Variants in DOK6 observed in about 807,000 individuals in gnomAD.
DOK6 encodes the protein docking protein 6, also known as downstream of tyrosine kinase 6.
Under a neutral mutation model 44.0 loss-of-function variants are expected in DOK6, and 22 were observed. That is an observed-to-expected ratio of 0.50 (90% confidence interval 0.36 to 0.71). The LOEUF is 0.71. DOK6 is among the 30% of genes least tolerant of loss of function. The probability of loss-of-function intolerance (pLI) is 0.00; values close to 1 mark genes in which losing one functional copy is unlikely to be tolerated. For synonymous variants in DOK6, 166 were observed against 145.5 expected, an observed-to-expected ratio of 1.14 and a Z score of -1.01; for missense variants, 340 against 416.4, an observed-to-expected ratio of 0.82 and a Z score of 1.60.
chr18:69,522,382 A>AT (rs1568284542), intron 1 of DOK6, among the ~76,000 whole-genome samples: 1 of 151,886 alleles, frequency 6.6e-6, no homozygotes, highest in Non-Finnish European at 1.5e-5. Flanking sequence ...AATAGAATCC[A>AT]TTTTTTTCTG....
chr18:69,788,301 T>C (rs1980493446), intron 7 of DOK6, among the ~76,000 whole-genome samples: 3 of 152,246 alleles, frequency 2.0e-5, no homozygotes, highest in African/African-American at 7.2e-5. Flanking sequence ...TTAATGTCTT[T>C]AGGAATCTAG....
At chr18:69,812,588 G>A (rs1354758420) in intron 7 of DOK6, among the ~76,000 whole-genome samples, 5 of 152,218 alleles carry the variant, frequency 3.3e-5, no homozygotes, top group African/African-American at 7.2e-5. Flanking sequence ...GAAGGACAAC[G>A]CTACCTGGTT....
At chr18:69,799,322 A>G (rs1980837244) in intron 7 of DOK6, among the ~76,000 whole-genome samples, 1 of 152,076 alleles carries the variant, frequency 6.6e-6, no homozygotes, top group Non-Finnish European at 1.5e-5. Flanking sequence ...CTAGCTAAAA[A>G]AGATTAAATA....
chr18:69,813,107 T>C (rs1041815659), intron 7 of DOK6, among the ~76,000 whole-genome samples: 2 of 152,166 alleles, frequency 1.3e-5, no homozygotes, highest in Non-Finnish European at 1.5e-5. Context: ...GTCAAGACTC[T>C]ACTTCATGCC....
chr18:69,433,010 T>C, intron 1 of DOK6, among the ~76,000 whole-genome samples: 1 of 152,182 alleles, frequency 6.6e-6, no homozygotes, highest in East Asian at 1.9e-4. Context: ...GTGATTTATT[T>C]GTTTTGATGG....
rs539885955 is a variant in DOK6, at chr18:69,782,373, G to A, written c.856+24500G>A. Among the ~76,000 whole-genome samples the A allele has an allele frequency of 8.6e-5, 13 of 151,826 alleles. No individual in the cohort carries two copies. In the South Asian group the frequency reaches 2.3e-3, roughly 27 times the overall value. ...ACTACAGGCACCTGCCACCATGCCC[G>A]GCTAATTTTTTATATTTTTAGTAGA... On this transcript the variant is annotated intron_variant, in intron 7 of 7. Transcript: ENST00000382713.
At chr18:69,531,542 G>A (rs778746079) in intron 1 of DOK6, among the ~76,000 whole-genome samples, 3 of 151,548 alleles carry the variant, frequency 2.0e-5, no homozygotes, top group Admixed American at 6.6e-5. Context: ...AATGAAGGAC[G>A]TGAACAGCCA....
rs74615941 is a variant in DOK6 at position 69,755,734 on chromosome 18, C to T, written c.739-2022C>T. Among the ~76,000 whole-genome samples, 66 of 152,278 alleles carry T rather than the reference C, an allele frequency of 4.3e-4. 1 individual carries two copies. In the East Asian group the frequency reaches 0.011, roughly 26 times the overall value. On this transcript the variant is annotated intron_variant, in intron 6 of 7. Transcript: ENST00000382713. ...CTGCAGAGTCCCCCACTGTTAGGTC[C>T]GGGGTAAAACTGGAGACCTCCATTG...
intron 5 of DOK6, among the ~76,000 whole-genome samples, chr18:69,703,477 A>C (rs1986566512): frequency 6.6e-6 from 1 of 152,228 alleles, no homozygotes; most frequent in Non-Finnish European, 1.5e-5. Flanking sequence ...AGGAATTGTA[A>C]TAAAATACAT....
intron 1 of DOK6, among the ~76,000 whole-genome samples, chr18:69,405,744 A>G (rs752244529): frequency 1.3e-5 from 2 of 152,236 alleles, no homozygotes; most frequent in Non-Finnish European, 2.9e-5. Context: ...CTTGCATGGC[A>G]TGCATTACCA....
At chr18:69,665,107 G>A (rs1422095131) in intron 3 of DOK6, among the ~76,000 whole-genome samples, 1 of 152,080 alleles carries the variant, frequency 6.6e-6, no homozygotes, top group African/African-American at 2.4e-5. Context: ...CTTGAACACG[G>A]GAGATGGAGG....
chr18:69,811,847 C>T (rs28525188), intron 7 of DOK6, among the ~76,000 whole-genome samples: 13,319 of 151,738 alleles, frequency 0.088, 1,024 homozygotes, highest in African/African-American at 0.21. Flanking sequence ...TCCTGATTTC[C>T]CTAAGAATAT....
chr18:69,778,063 A>G (rs897314817), intron 7 of DOK6: 2 of 152,168 alleles, frequency 1.3e-5, no homozygotes, highest in Non-Finnish European at 2.9e-5. Flanking sequence ...TAGAAATCCA[A>G]TAACTGTAGC....
chr18:69,782,823 G>A (rs957436036), intron 7 of DOK6, among the ~76,000 whole-genome samples: 1 of 152,018 alleles, frequency 6.6e-6, no homozygotes, highest in African/African-American at 2.4e-5. Flanking sequence ...ATCAAAACAG[G>A]TCACATGTGA....
chr18:69,502,910 G>C (rs1043312859), intron 1 of DOK6, among the ~76,000 whole-genome samples: 1 of 152,048 alleles, frequency 6.6e-6, no homozygotes, highest in African/African-American at 2.4e-5. Context: ...TGTAGTGTGC[G>C]CTCTTATAGA....
intron 7 of DOK6, among the ~76,000 whole-genome samples, chr18:69,761,147 T>C (rs755565556): frequency 1.0e-4 from 15 of 147,330 alleles, no homozygotes; most frequent in Non-Finnish European, 1.9e-4. Context: ...CAATTATTAC[T>C]ACTCCTGAAA....
chr18:69,601,364 C>G (rs191833166), intron 3 of DOK6, among the ~76,000 whole-genome samples: 1 of 152,284 alleles, frequency 6.6e-6, no homozygotes, highest in Admixed American at 6.5e-5. Flanking sequence ...ATCTCAAGTT[C>G]TTAGTTTATA....
In DOK6 at chr18:69,723,968, C is replaced by T. The variant is rs114565221; in HGVS notation, c.600-14997C>T. Among the ~76,000 whole-genome samples, 556 of 152,224 alleles carry T rather than the reference C, an allele frequency of 3.7e-3. 6 individuals carry two copies. Among genetic ancestry groups the T allele is most frequent in the African/African-American group, 0.013 (539 of 41,532 alleles). ...CACTGCTCTGTGCATCCTAGTGCACCGCAACCTTGTAATCTGGTCTCAAAA... is the reference window on the plus strand; with the variant it reads ...CACTGCTCTGTGCATCCTAGTGCACTGCAACCTTGTAATCTGGTCTCAAAA... On this transcript the variant is annotated intron_variant, in intron 5 of 7. Coordinates refer to ENST00000382713, the MANE Select transcript of DOK6 (RefSeq NM_152721.6).
At chr18:69,775,629 AAG>A (rs572088994) in intron 7 of DOK6, among the ~76,000 whole-genome samples, 2 of 151,702 alleles carry the variant, frequency 1.3e-5, no homozygotes, top group South Asian at 4.1e-4. Context: ...AGAAAGAAAA[AAG>A]AGTAAATAAA....
Sources: gnomAD v4.1 joint callset for allele counts (sites outside exome capture counted in the v4.1 genomes callset) on GRCh38, gnomAD v4.1.1 for gene constraint, MANE v1.5 for transcripts, NCBI Gene and HGNC (gene_info 2026-07-23, HGNC 2026-07-21) for gene names.